TMEM164: variants seen among roughly 807,000 people sequenced by gnomAD.
The protein encoded by TMEM164 is transmembrane protein 164, also known as RP13-360B22.2.
TMEM164 carries 4 observed loss-of-function variants against 18.8 expected under a neutral mutation model. The observed-to-expected ratio is 0.21, with a 90% CI of 0.10 to 0.49. The LOEUF (loss-of-function observed/expected upper bound fraction) is 0.49. Ranked by LOEUF, TMEM164 falls within the 20% of genes least tolerant of loss-of-function variation. The pLI, the probability that TMEM164 is intolerant of heterozygous loss-of-function variation, is 0.98. For synonymous variants in TMEM164, 86 were observed against 101.7 expected (o/e 0.85, Z 0.93); for missense variants, 108 against 239.9 (o/e 0.45, Z 3.63).
intron 3 of TMEM164, among the ~76,000 whole-genome samples, chrX:110,087,867 T>C (rs1428150308): frequency 1.8e-5 from 2 of 111,596 alleles, no homozygotes; most frequent in Non-Finnish European, 3.8e-5. Context: ...TTGAAGGGGA[T>C]GAGATGAAAT....
At chrX:110,047,134 A>G (rs755655493) in intron 2 of TMEM164, among the ~76,000 whole-genome samples, 2 of 111,771 alleles carry the variant, frequency 1.8e-5, no homozygotes, top group Admixed American at 9.5e-5. Flanking sequence ...GAAATTATCA[A>G]CCCTTCTCTT....
chrX:110,135,324 A>G (rs763872356), intron 4 of TMEM164, among the ~76,000 whole-genome samples: 1 of 111,996 alleles, frequency 8.9e-6, no homozygotes, highest in South Asian at 3.7e-4. Context: ...ACAACAACAA[A>G]AAAGGTGGAG....
chrX:110,110,527 T>A (rs1350596108), intron 4 of TMEM164, among the ~76,000 whole-genome samples: 1 of 112,260 alleles, frequency 8.9e-6, no homozygotes, highest in Non-Finnish European at 1.9e-5. Context: ...GCCTGAGCAT[T>A]GTGTTTTAAA....
chrX:110,152,469 G>T (rs181987400), intron 5 of TMEM164, among the ~76,000 whole-genome samples: 48 of 111,075 alleles, frequency 4.3e-4, no homozygotes, highest in Non-Finnish European at 5.9e-4. Context: ...ATTTTCTTCT[G>T]GTATGTTTAT....
At chrX:110,042,013 A>T (rs1034251691) in intron 2 of TMEM164, among the ~76,000 whole-genome samples, 3 of 112,259 alleles carry the variant, frequency 2.7e-5, no homozygotes, top group Non-Finnish European at 5.6e-5. Context: ...TAAAAAAATT[A>T]GTTAAATATA....
At chrX:110,105,731 CAGAG>C (rs745823538) in intron 3 of TMEM164, among the ~76,000 whole-genome samples, 11 of 86,702 alleles carry the variant, frequency 1.3e-4, no homozygotes, top group South Asian at 1.3e-3. Flanking sequence ...GACACACACA[CAGAG>C]AGAGAGAGAG....
At chrX:110,017,650 A>G (rs2147704840) in intron 2 of TMEM164, among the ~76,000 whole-genome samples, 1 of 99,887 alleles carries the variant, frequency 1.0e-5, no homozygotes, top group Non-Finnish European at 2.0e-5. Flanking sequence ...GCTCACCGCA[A>G]TCTCCGCCTC....
rs753671177 is a variant in TMEM164 at position 110,168,336 on chromosome X, T to C, written c.587-3084T>C. Among the ~76,000 whole-genome samples the C allele has an allele frequency of 4.2e-3, 477 of 113,185 alleles. 6 individuals are homozygous for C. Among genetic ancestry groups the C allele is most frequent in the African/African-American group, 0.015 (465 of 31,234 alleles). ...GTGCTAGATGCTAGGAATGCAGAAG[T>C]GGCCTGACATGGTCCTTGACCCTGA... On this transcript the variant is annotated intron_variant, in intron 5 of 6. Transcript: ENST00000372068.
At chrX:110,044,027 G>A (rs1204554520) in intron 2 of TMEM164, among the ~76,000 whole-genome samples, 2 of 112,172 alleles carry the variant, frequency 1.8e-5, no homozygotes, top group African/African-American at 6.5e-5. Context: ...AGTGATGATA[G>A]GTGGCACATG....
chrX:110,092,921 G>C (rs2065953812), intron 3 of TMEM164, among the ~76,000 whole-genome samples: 2 of 111,798 alleles, frequency 1.8e-5, no homozygotes, highest in South Asian at 7.5e-4. Flanking sequence ...TAGCATGAAG[G>C]GCTGTTGAAT....
intron 2 of TMEM164, among the ~76,000 whole-genome samples, chrX:110,059,789 AC>A (rs1936024740): frequency 8.9e-6 from 1 of 112,001 alleles, no homozygotes; most frequent in Non-Finnish European, 1.9e-5. Context: ...TTATGTGTAG[AC>A]CGAGACAATT....
chrX:110,103,700 G>T (rs2066144856), intron 3 of TMEM164, among the ~76,000 whole-genome samples: 1 of 111,787 alleles, frequency 8.9e-6, no homozygotes, highest in Non-Finnish European at 1.9e-5. Context: ...ACAATATACA[G>T]AAAATAAAAT....
At chrX:110,152,860 A>G (rs1019144727) in intron 5 of TMEM164, among the ~76,000 whole-genome samples, 34 of 111,167 alleles carry the variant, frequency 3.1e-4, no homozygotes, top group Non-Finnish European at 9.4e-5. Flanking sequence ...AGCTACTTCT[A>G]TAGCTCAAAT....
Position 110,084,400 on chromosome X carries a change from A to ATATATATATAGTATATATATATAGTATAG in TMEM164, c.440+17016_440+17017insATATATATATAGTATAGTATATATATAGT, listed in dbSNP as rs1569320938. On this transcript the variant is annotated intron_variant, in intron 3 of 6. Coordinates refer to ENST00000372068, the MANE Select transcript of TMEM164 (RefSeq NM_032227.4). ...ATAGTGTATATATATATAGTATAGTATATATATATAGTGTATATATATATA... is the reference window on the plus strand; with the variant it reads ...ATAGTGTATATATATATAGTATAGTATATATATATAGTATATATATATAGTATAGTATATATATAGTGTATATATATATA... Among the ~76,000 whole-genome samples the ATATATATATAGTATATATATATAGTATAG allele has an allele frequency of 5.1e-3, 284 of 55,751 alleles. 4 individuals are homozygous for ATATATATATAGTATATATATATAGTATAG. Among genetic ancestry groups the ATATATATATAGTATATATATATAGTATAG allele is most frequent in the African/African-American group, 0.012 (145 of 12,476 alleles). 48.4% of individuals were successfully genotyped at this position (55,751 alleles called of 115,157 possible).
downstream of TMEM164, among the ~76,000 whole-genome samples, chrX:110,179,329 AAC>A (rs780143249): frequency 1.6e-4 from 18 of 111,699 alleles, no homozygotes; most frequent in Non-Finnish European, 2.4e-4. Context: ...TCCTGCAGGC[AAC>A]AGTCTTTTCC....
At chrX:110,014,235 G>A (rs963471878) in intron 2 of TMEM164, among the ~76,000 whole-genome samples, 4 of 111,159 alleles carry the variant, frequency 3.6e-5, no homozygotes, top group African/African-American at 1.3e-4. Context: ...CTGCTGCTTC[G>A]AGCCTGGGTG....
intron 2 of TMEM164, among the ~76,000 whole-genome samples, chrX:110,004,490 G>A (rs867866004): frequency 9.0e-6 from 1 of 111,281 alleles, no homozygotes; most frequent in Middle Eastern, 4.6e-3. Context: ...CCCCAGCCAG[G>A]TGCCCTTTCT....
intron 2 of TMEM164, among the ~76,000 whole-genome samples, chrX:110,027,468 T>A (rs1490016285): frequency 8.9e-6 from 1 of 111,968 alleles, no homozygotes; most frequent in Non-Finnish European, 1.9e-5. Context: ...TCTTAAACAC[T>A]GTGAGTGGGC....
chrX:110,046,135 C>T (rs962630651), intron 2 of TMEM164: 30 of 752,596 alleles, frequency 4.0e-5, no homozygotes, highest in Non-Finnish European at 4.5e-5. Flanking sequence ...CTAGGTATTA[C>T]GGGGAACAGT....
Sources: gnomAD v4.1 joint callset for allele counts (sites outside exome capture counted in the v4.1 genomes callset) on GRCh38, gnomAD v4.1.1 for gene constraint, MANE v1.5 for transcripts, NCBI Gene and HGNC (gene_info 2026-07-23, HGNC 2026-07-21) for gene names.